The following CHIC1 variants were observed in gnomAD, a reference collection of about 807,000 sequenced individuals.
CHIC1 encodes the protein cysteine rich hydrophobic domain 1.
In CHIC1, 7 loss-of-function variants were observed where a neutral mutation model predicts 18.5. That is an observed-to-expected ratio of 0.38 (90% CI 0.22 to 0.71). CHIC1 has a LOEUF of 0.71. Among genes scored for constraint, CHIC1 ranks in the 30% least tolerant of loss-of-function variants. The pLI is 0.49. For synonymous variants in CHIC1, 77 were observed against 73.5 expected (o/e 1.05, Z -0.25); for missense variants, 159 against 176.9 (o/e 0.90, Z 0.57).
Position 73,609,914 on chromosome X carries a change from C to G in CHIC1, c.507+25342C>G, listed in dbSNP as rs778574965. On this transcript the variant is annotated intron_variant, in intron 3 of 5. Coordinates refer to ENST00000373502, the MANE Select transcript of CHIC1 (RefSeq NM_001039840.4). ...AAACTTATTCCTTTTAACTACATGT[C>G]TCGCTGGCATTCCAGGTGCCACTGG... 5.5e-5 allele frequency among the ~76,000 whole-genome samples: 6 copies of G among 108,580 alleles called. No homozygotes were observed. The East Asian group carries it at 1.7e-3, about 31-fold the overall frequency. The allele number at this position is 108,580 out of a possible 115,157, so 94.3% of individuals were successfully genotyped here. A position where few individuals can be genotyped will look rare whatever the true frequency, so the allele number is the denominator to read the frequency against.
At chrX:73,646,128 CATTT>C (rs1458971904) in intron 3 of CHIC1, among the ~76,000 whole-genome samples, 1 of 111,600 alleles carries the variant, frequency 9.0e-6, no homozygotes, top group Non-Finnish European at 1.9e-5. Context: ...GTTCCAATAT[CATTT>C]ATTAAAGAGA....
In CHIC1 at chrX:73,622,616, G is replaced by T. The variant is rs190613651; in HGVS notation, c.507+38044G>T. On this transcript the variant is annotated intron_variant, in intron 3 of 5. Transcript: ENST00000373502. ...TTCTGGCTAGCAGTCTAACTATTTT[G>T]TTAATCTTTTGAAAAAAACAGCTCC... Among the ~76,000 whole-genome samples the T allele has an allele frequency of 2.3e-4, 25 of 110,510 alleles. No homozygotes were observed. The East Asian group carries it at 7.1e-3, about 31-fold the overall frequency.
intron 5 of CHIC1, 82 bp downstream of exon 5, chrX:73,679,795 C>G (rs1396381089): frequency 3.3e-5 from 17 of 509,752 alleles, no homozygotes; most frequent in Non-Finnish European, 4.9e-5. Flanking sequence ...GTCAACTATT[C>G]CTTCTTTTTT....
chrX:73,583,178 G>A (rs1293347527), intron 2 of CHIC1, among the ~76,000 whole-genome samples: 1 of 110,512 alleles, frequency 9.0e-6, no homozygotes, highest in African/African-American at 3.3e-5. Flanking sequence ...CAGATTCATG[G>A]GCTAAGCAAT....
chrX:73,650,021 G>A (rs1264108075), intron 3 of CHIC1, among the ~76,000 whole-genome samples: 2 of 112,188 alleles, frequency 1.8e-5, no homozygotes, highest in Admixed American at 9.4e-5. Flanking sequence ...TAGAACTCAG[G>A]ATTAAGAAAC....
At chrX:73,580,453 G>A (rs1260415084) in intron 2 of CHIC1, among the ~76,000 whole-genome samples, 1 of 110,524 alleles carries the variant, frequency 9.0e-6, no homozygotes, top group African/African-American at 3.3e-5. Flanking sequence ...GTTTGGTGAT[G>A]GGAAAAACAC....
chrX:73,615,355 A>G (rs113594714), intron 3 of CHIC1, among the ~76,000 whole-genome samples: 1,535 of 111,640 alleles, frequency 0.014, 16 homozygotes, highest in Non-Finnish European at 0.024. Context: ...GCTGGTAGTT[A>G]CAGTGGTGGG....
At chrX:73,638,036 C>A (rs1188670307) in intron 3 of CHIC1, among the ~76,000 whole-genome samples, 1 of 111,604 alleles carries the variant, frequency 9.0e-6, no homozygotes, top group East Asian at 2.8e-4. Flanking sequence ...AGAGCTTGAT[C>A]TTAGCGTAGG....
intron 3 of CHIC1, among the ~76,000 whole-genome samples, chrX:73,659,988 C>T (rs1883544682): frequency 9.0e-6 from 1 of 111,660 alleles, no homozygotes; most frequent in African/African-American, 3.3e-5. Context: ...TGTGGGAGCT[C>T]CAGTCTAAGA....
intron 3 of CHIC1, among the ~76,000 whole-genome samples, chrX:73,651,086 A>C (rs749006429): frequency 6.7e-4 from 75 of 111,867 alleles, no homozygotes; most frequent in Non-Finnish European, 1.2e-3. Flanking sequence ...AAAGACAAAA[A>C]CCACATGATT....
chrX:73,627,137 CAAAA>C (rs759306668), intron 3 of CHIC1, among the ~76,000 whole-genome samples: 76 of 56,981 alleles, frequency 1.3e-3, no homozygotes, highest in African/African-American at 4.1e-3. Context: ...TAAGTTCTCC[CAAAA>C]AAAAAAAAAA....
chrX:73,657,719 C>T (rs2057957514), intron 3 of CHIC1, among the ~76,000 whole-genome samples: 2 of 111,775 alleles, frequency 1.8e-5, no homozygotes, highest in African/African-American at 6.5e-5. Context: ...ATGCTTCCAG[C>T]TTTTGCTCAT....
intron 3 of CHIC1, among the ~76,000 whole-genome samples, chrX:73,585,451 G>A (rs1455637046): frequency 9.0e-6 from 1 of 111,043 alleles, no homozygotes; most frequent in Admixed American, 9.6e-5. Flanking sequence ...TCACAAGTAG[G>A]TCAGAGCTTC....
chrX:73,571,754 C>G (rs1305549696), intron 1 of CHIC1, among the ~76,000 whole-genome samples: 1 of 110,968 alleles, frequency 9.0e-6, no homozygotes, highest in East Asian at 2.8e-4. Context: ...GATTTATTTA[C>G]TCGACTATTT....
intron 1 of CHIC1, among the ~76,000 whole-genome samples, chrX:73,571,942 G>T (rs2057472542): frequency 9.1e-6 from 1 of 110,347 alleles, no homozygotes; most frequent in East Asian, 2.8e-4. Flanking sequence ...TGAAATTCCT[G>T]CATAGAGGTT....
Position 73,684,061 on chromosome X carries a change from A to G in CHIC1, c.*3056A>G, listed in dbSNP as rs917687398. 1 of 112,034 alleles carries G rather than the reference A, an allele frequency of 8.9e-6. No homozygotes were observed. The highest frequency in any genetic ancestry group is 3.2e-5 in the African/African-American group (1 of 30,870). 9.2% of individuals were successfully genotyped at this position (112,034 alleles called of 1,213,427 possible). A position where few individuals can be genotyped will look rare whatever the true frequency, so the allele number is the denominator to read the frequency against. ...TTGGTAGATGATTAGATTAGAAATC[A>G]TCCTTTTCAACTAGGTCTAAGAATA... On this transcript the variant is annotated 3_prime_UTR_variant, in exon 6 of 6. Coordinates refer to ENST00000373502, the MANE Select transcript of CHIC1 (RefSeq NM_001039840.4).
chrX:73,671,280 C>T (rs1007785476), intron 3 of CHIC1, among the ~76,000 whole-genome samples: 3 of 111,961 alleles, frequency 2.7e-5, no homozygotes, highest in African/African-American at 9.7e-5. Context: ...ACGACCTTTT[C>T]AGTTGAATCT....
chrX:73,640,454 A>G (rs181462108), intron 3 of CHIC1, among the ~76,000 whole-genome samples: 1 of 111,328 alleles, frequency 9.0e-6, no homozygotes, highest in African/African-American at 3.3e-5. Context: ...GAGGATTTTT[A>G]CATCTATGTT....
chrX:73,610,614 C>T (rs960086430), intron 3 of CHIC1, among the ~76,000 whole-genome samples: 1 of 108,801 alleles, frequency 9.2e-6, no homozygotes, highest in African/African-American at 3.6e-5. Flanking sequence ...GAAGAATTCC[C>T]TTCTCTTCAA....
Sources: gnomAD v4.1 joint callset for allele counts (sites outside exome capture counted in the v4.1 genomes callset) on GRCh38, gnomAD v4.1.1 for gene constraint, MANE v1.5 for transcripts, NCBI Gene and HGNC (gene_info 2026-07-23, HGNC 2026-07-21) for gene names.